The following CDK2AP1 variants were observed in gnomAD, a reference collection of about 807,000 sequenced individuals.
The protein encoded by CDK2AP1 is cyclin dependent kinase 2 associated protein 1.
In CDK2AP1, 10 loss-of-function variants were observed where a neutral mutation model predicts 14.1. The ratio of observed to expected loss-of-function variants is 0.71; its 90% confidence interval spans 0.44 to 1.20. The LOEUF (loss-of-function observed/expected upper bound fraction) is 1.20, where lower values mean the gene tolerates loss of function less well. Ranked by LOEUF, CDK2AP1 falls within the 50% of genes most tolerant of loss-of-function variation. CDK2AP1 has a pLI of 0.00. For missense variants in CDK2AP1, 102 were observed against 149.9 expected, an observed-to-expected ratio of 0.68 and a Z score of 1.67; for synonymous variants, 59 against 59.8, an observed-to-expected ratio of 0.99 and a Z score of 0.06.
chr12:123,270,840 C>T (rs1401640495), intron 1 of CDK2AP1: 38 of 985,302 alleles, frequency 3.9e-5, no homozygotes, highest in Non-Finnish European at 4.0e-5. Context: ...CGCGCGCGGG[C>T]CCCAGCAGCC....
At chr12:123,267,464 G>A (rs1171183453) in intron 1 of CDK2AP1, 182 bp from the exon 2 acceptor site, 2 of 559,282 alleles carry the variant, frequency 3.6e-6, no homozygotes, top group Non-Finnish European at 6.5e-6. Context: ...GTAGCTACAA[G>A]GCACCTGACC....
chr12:123,271,023 G>A, intron 1 of CDK2AP1: 9 of 936,742 alleles, frequency 9.6e-6, no homozygotes, highest in Non-Finnish European at 1.1e-5. Flanking sequence ...CGACCTCAGG[G>A]CCCCCGGCAG....
Position 123,265,418 on chromosome 12 carries a change from G to C in CDK2AP1, c.154-96C>G. 1 of 1,230,526 alleles carries C rather than the reference G, an allele frequency of 8.1e-7. No individual in the cohort carries two copies. The highest frequency in any genetic ancestry group is 1.8e-5 in the Admixed American group (1 of 56,798). The allele number at this position is 1,230,526 out of a possible 1,614,324, so 76.2% of individuals were successfully genotyped here. Reference sequence around the variant, plus strand: ...CTCAGGAGGCTGAGGCAGGAGAACTGCTTGGACCCAGGAGGTGGAAGTTGC... The same window carrying C: ...CTCAGGAGGCTGAGGCAGGAGAACTCCTTGGACCCAGGAGGTGGAAGTTGC... On this transcript the variant is annotated intron_variant, in intron 2 of 3. Transcript: ENST00000261692. The surrounding 1 kb of genome is among the most constrained non-coding windows in gnomAD (Gnocchi z 5.3).
intron 1 of CDK2AP1, chr12:123,267,922 C>A (rs1433176784): frequency 1.3e-5 from 2 of 153,806 alleles, no homozygotes; most frequent in Non-Finnish European, 2.9e-5. Flanking sequence ...TCTTAGCAGT[C>A]TATGCCCCAA....
chr12:123,261,784 T>C lies in CDK2AP1; in HGVS notation c.300A>G (p.Gly100=). ...RLKRGIIHAR[G]LVRECLAETE... is the part of the protein sequence containing the mutation. ...TTTCTGCCAAGCACTCCCGAACCAGTCCTCTAGCGTGAATGATGCCTGAAA... is the reference window on the plus strand; with the variant it reads ...TTTCTGCCAAGCACTCCCGAACCAGCCCTCTAGCGTGAATGATGCCTGAAA... Residue 100 remains glycine (G), a synonymous_variant, in exon 4 of 4, where the codon GGA becomes GGG. Transcript: ENST00000261692. The C allele has an allele frequency of 6.2e-7, 1 of 1,613,708 alleles. No homozygotes were observed. Among genetic ancestry groups the C allele is most frequent in the Non-Finnish European group, 8.5e-7 (1 of 1,179,628 alleles).
At chr12:123,270,285 A>T (rs1332610463) in intron 1 of CDK2AP1, 1 of 617,510 alleles carries the variant, frequency 1.6e-6, no homozygotes, top group Non-Finnish European at 2.0e-6. Context: ...CCCACAAGTG[A>T]GCAATTCAAC....
chr12:123,261,371 T>G lies in CDK2AP1; in HGVS notation c.*365A>C, dbSNP rs1484638464. On this transcript the variant is annotated 3_prime_UTR_variant, in exon 4 of 4. Transcript: ENST00000261692. Reference sequence around the variant, plus strand: ...CAAAATCCCTACAGTGGTATTAGCTTATGAAAAGGAACAAAGAACACCATG... The same window carrying G: ...CAAAATCCCTACAGTGGTATTAGCTGATGAAAAGGAACAAAGAACACCATG... 9.7e-6 allele frequency: 2 copies of G among 207,150 alleles called. No individual in the cohort carries two copies. Among genetic ancestry groups the G allele is most frequent in the African/African-American group, 4.7e-5 (2 of 42,424 alleles). 12.8% of individuals were successfully genotyped at this position (207,150 alleles called of 1,614,324 possible).
intron 3 of CDK2AP1, among the ~76,000 whole-genome samples, chr12:123,262,891 C>G (rs1270700266): frequency 6.6e-6 from 1 of 152,024 alleles, no homozygotes; most frequent in Non-Finnish European, 1.5e-5. Context: ...ATAACTTTCA[C>G]ACGTCCCAAA....
chr12:123,270,122 C>T, intron 1 of CDK2AP1: 2 of 666,680 alleles, frequency 3.0e-6, no homozygotes, highest in Non-Finnish European at 3.7e-6. Context: ...AGGCTGGCAA[C>T]ACCAGCCCCT....
At chr12:123,271,517 C>G in intron 1 of CDK2AP1, 47 bp downstream of exon 1, 1 of 983,160 alleles carries the variant, frequency 1.0e-6, no homozygotes, top group Non-Finnish European at 1.2e-6. Flanking sequence ...GGCGCGCGGA[C>G]CCCCAACTTG....
chr12:123,267,290 G>A lies in CDK2AP1; in HGVS notation c.56-8C>T. 4.4e-6 allele frequency: 7 copies of A among 1,588,576 alleles called. No individual in the cohort carries two copies. The highest frequency in any genetic ancestry group is 6.0e-6 in the Non-Finnish European group (7 of 1,157,088). ...GCGAGTGGACACTCCCAGCTGTGGG[G>A]TGGGGAGAGAGAGGCCAGGAGTCAG... On this transcript the variant is annotated splice_region_variant and splice_polypyrimidine_tract_variant and intron_variant, in intron 1 of 3. Coordinates refer to ENST00000261692, the MANE Select transcript of CDK2AP1 (RefSeq NM_004642.4).
At position 123,265,550 on chromosome 12, in the gene CDK2AP1, A is replaced by T. The variant is rs1566003810; in HGVS notation, c.154-228T>A. On this transcript the variant is annotated intron_variant, in intron 2 of 3. Coordinates refer to ENST00000261692, the MANE Select transcript of CDK2AP1 (RefSeq NM_004642.4). The surrounding 1 kb of genome is among the most constrained non-coding windows in gnomAD (Gnocchi z 5.3). ...TTCAGCAGCCTGACCCCAAGGCCAC[A>T]GGCAGGTGGGTGGAGAGGGCCCCGG... 6.6e-6 allele frequency among the ~76,000 whole-genome samples: 1 copy of T among 151,034 alleles called. No individual in the cohort carries two copies.
chr12:123,261,424 T>G lies in CDK2AP1; in HGVS notation c.*312A>C. On this transcript the variant is annotated 3_prime_UTR_variant, in exon 4 of 4. Transcript: ENST00000261692. ...TAACAAATGTATACAAAAGAGAAGATTAAAGGGAGACAATGGTGTCTTGGA... is the reference window on the plus strand; with the variant it reads ...TAACAAATGTATACAAAAGAGAAGAGTAAAGGGAGACAATGGTGTCTTGGA... 1 of 303,128 alleles carries G rather than the reference T, an allele frequency of 3.3e-6. No individual in the cohort carries two copies. Among genetic ancestry groups the G allele is most frequent in the African/African-American group, 2.2e-5 (1 of 45,374 alleles). The allele number at this position is 303,128 out of a possible 1,614,324, so 18.8% of individuals were successfully genotyped here. A position where few individuals can be genotyped will look rare whatever the true frequency, so the allele number is the denominator to read the frequency against.
chr12:123,269,525 G>A (rs901534934), intron 1 of CDK2AP1, among the ~76,000 whole-genome samples: 2 of 152,246 alleles, frequency 1.3e-5, no homozygotes, highest in African/African-American at 4.8e-5. Flanking sequence ...CCGTCTCGGC[G>A]CATCTCAGAC....
chr12:123,271,508 G>C (rs1291956323), intron 1 of CDK2AP1, 56 bp downstream of exon 1: 59 of 966,362 alleles, frequency 6.1e-5, no homozygotes, highest in Non-Finnish European at 6.9e-5. Context: ...CCGGGGCCGG[G>C]CGCGCGGACC....
intron 1 of CDK2AP1, chr12:123,271,272 C>G (rs1182265898): frequency 6.6e-6 from 1 of 151,036 alleles, no homozygotes; most frequent in African/African-American, 2.4e-5. Flanking sequence ...AAGCCTCCCC[C>G]GCCCTCGCCC....
chr12:123,271,119 G>T, intron 1 of CDK2AP1: 1 of 724,674 alleles, frequency 1.4e-6, no homozygotes, highest in Non-Finnish European at 1.7e-6. Context: ...AGCGCCCCCC[G>T]CCCGGGCTGC....
chr12:123,265,651 A>T lies in CDK2AP1; in HGVS notation c.154-329T>A, dbSNP rs1271790354. ...CCTCAGCTGGGCCAAGGCACGTCCC[A>T]TTCTAGGGGACAACTACAAGTTAGG... On this transcript the variant is annotated intron_variant, in intron 2 of 3. Transcript: ENST00000261692. This position sits in a 1 kb window ranked among gnomAD's most constrained non-coding sequence, Gnocchi z 5.3. Among the ~76,000 whole-genome samples, 1 of 152,146 alleles carries T rather than the reference A, an allele frequency of 6.6e-6. No homozygotes were observed. Among genetic ancestry groups the T allele is most frequent in the Admixed American group, 6.5e-5 (1 of 15,268 alleles).
intron 1 of CDK2AP1, chr12:123,268,319 A>T: frequency 1.3e-6 from 1 of 780,814 alleles, no homozygotes; most frequent in Admixed American, 6.2e-5. Context: ...GGTGTGGGTG[A>T]GGGGAGGGGC....
Sources: gnomAD v4.1 joint callset for allele counts (sites outside exome capture counted in the v4.1 genomes callset) on GRCh38, gnomAD v4.1.1 for gene constraint, Gnocchi (gnomAD v3.1) non-coding constraint, MANE v1.5 for transcripts, NCBI Gene and HGNC (gene_info 2026-07-23, HGNC 2026-07-21) for gene names.